The following ITGB5 variants were observed in gnomAD, a reference collection of about 807,000 sequenced individuals.
ITGB5 encodes integrin beta-5.
A neutral mutation model predicts 84.8 loss-of-function variants in ITGB5; 38 were observed. The observed-to-expected ratio is 0.45, with a 90% CI of 0.35 to 0.59. The LOEUF (loss-of-function observed/expected upper bound fraction) is 0.59. Ranked by LOEUF, ITGB5 falls within the 20% of genes least tolerant of loss-of-function variation. The pLI is 0.01. For missense variants in ITGB5, 905 were observed against 1,034.5 expected (o/e 0.87, Z 1.72); for synonymous variants, 393 against 414.4 (o/e 0.95, Z 0.63).
At chr3:124,778,333 C>T (rs548739937) in intron 10 of ITGB5, among the ~76,000 whole-genome samples, 4 of 152,198 alleles carry the variant, frequency 2.6e-5, no homozygotes, top group Non-Finnish European at 5.9e-5. Flanking sequence ...CAACAGCTTT[C>T]CATCAGCAAA....
chr3:124,860,656 T>C (rs1473635881), intron 2 of ITGB5, among the ~76,000 whole-genome samples: 2 of 152,212 alleles, frequency 1.3e-5, no homozygotes, highest in Admixed American at 6.5e-5. Flanking sequence ...AAAAACAAGA[T>C]TCCCCCCACT....
rs542319281 is a variant in ITGB5 at position 124,868,583 on chromosome 3, C to A, written c.156+4863G>T. 4.3e-5 allele frequency among the ~76,000 whole-genome samples: 6 copies of A among 138,208 alleles called. No individual in the cohort carries two copies. The East Asian group carries it at 1.1e-3, about 25-fold the overall frequency. 90.7% of individuals were successfully genotyped at this position (138,208 alleles called of 152,430 possible). On this transcript the variant is annotated intron_variant, in intron 2 of 14. Transcript: ENST00000296181. ...ATCACTTGAGCCCAGGAGTTGGAGA[C>A]CAGCCTGGGCAACATAGTGAGACCT...
At chr3:124,810,798 C>T (rs1019345588) in intron 8 of ITGB5, among the ~76,000 whole-genome samples, 3 of 151,992 alleles carry the variant, frequency 2.0e-5, no homozygotes, top group Non-Finnish European at 4.4e-5. Context: ...AGACAAGGAC[C>T]CCAACATCCG....
At chr3:124,824,096 T>C (rs555225429) in intron 5 of ITGB5, among the ~76,000 whole-genome samples, 1 of 152,288 alleles carries the variant, frequency 6.6e-6, no homozygotes, top group East Asian at 1.9e-4. Flanking sequence ...TTATAATATT[T>C]ATATGAAATT....
intron 5 of ITGB5, among the ~76,000 whole-genome samples, chr3:124,836,642 G>C (rs2064939165): frequency 6.6e-6 from 1 of 152,090 alleles, no homozygotes. Context: ...GTGATACTCA[G>C]TTTCCACCCC....
chr3:124,884,159 C>T (rs1267240703), intron 1 of ITGB5, among the ~76,000 whole-genome samples: 1 of 151,432 alleles, frequency 6.6e-6, no homozygotes, highest in Admixed American at 6.6e-5. Flanking sequence ...CAGAAACACT[C>T]CCTGAATAAA....
chr3:124,801,557 C>T (rs539888158), intron 9 of ITGB5, among the ~76,000 whole-genome samples: 17 of 152,286 alleles, frequency 1.1e-4, no homozygotes, highest in African/African-American at 4.1e-4. Context: ...GGCTGCCCCT[C>T]ATACGGGCCG....
chr3:124,859,477 A>T, intron 2 of ITGB5, 31 bp from the exon 3 acceptor site: 9 of 1,591,232 alleles, frequency 5.7e-6, no homozygotes, highest in Non-Finnish European at 7.7e-6. Flanking sequence ...AGAGAGCAGG[A>T]GGTGGTCAGG....
rs1579231133 is a variant in ITGB5 at position 124,809,063 on chromosome 3, G to A, written c.1222C>T (p.Pro408Ser). The A allele has an allele frequency of 6.2e-7, 1 of 1,614,096 alleles. No homozygotes were observed. Among genetic ancestry groups the A allele is most frequent in the Non-Finnish European group, 8.5e-7 (1 of 1,179,998 alleles). Residue 408 changes from proline (P) to serine (S), a missense_variant, in exon 9 of 15, where the codon CCT (proline) becomes TCT (serine). By Grantham distance (74) the Pro-to-Ser change is moderately conservative (BLOSUM62 -1). Transcript: ENST00000296181. ...AGACCCTCACACTTCCTCTGACCAG[G>A]ATAGGATACCCCATCTTGGCAGGTA... ...TATCQDGVSY[P>S]GQRKCEGLKI...
intron 2 of ITGB5, among the ~76,000 whole-genome samples, chr3:124,872,882 G>A (rs146590813): frequency 6.6e-6 from 1 of 152,154 alleles, no homozygotes; most frequent in East Asian, 1.9e-4. Context: ...CCACAATGCT[G>A]GCATGAGCCA....
chr3:124,820,340 C>T (rs751080529), intron 6 of ITGB5, among the ~76,000 whole-genome samples: 19 of 152,130 alleles, frequency 1.2e-4, no homozygotes, highest in Non-Finnish European at 2.1e-4. Flanking sequence ...CTCAGACGGG[C>T]AGAGGAGGGT....
At chr3:124,847,687 A>C (rs907912877) in intron 4 of ITGB5, among the ~76,000 whole-genome samples, 1 of 152,220 alleles carries the variant, frequency 6.6e-6, no homozygotes, top group African/African-American at 2.4e-5. Flanking sequence ...GAAGAGACCC[A>C]GTTGGACTTG....
chr3:124,830,525 G>A (rs2064845386), intron 5 of ITGB5, among the ~76,000 whole-genome samples: 1 of 152,218 alleles, frequency 6.6e-6, no homozygotes, highest in African/African-American at 2.4e-5. Flanking sequence ...TGACTGTGTA[G>A]AAAAACAGAG....
In ITGB5 at chr3:124,773,972, A is replaced by G; in HGVS notation, c.1694-60T>C. On this transcript the variant is annotated intron_variant, in intron 10 of 14. Transcript: ENST00000296181. ...CACCTTTACACATGAGCACATAACC[A>G]TCTGGTGCCCCACATGCCAGGACTG... 4 of 1,450,272 alleles carry G rather than the reference A, an allele frequency of 2.8e-6. No homozygotes were observed. The South Asian group carries it at 4.8e-5, about 17-fold the overall frequency. 89.8% of individuals were successfully genotyped at this position (1,450,272 alleles called of 1,614,324 possible). A position where few individuals can be genotyped will look rare whatever the true frequency, so the allele number is the denominator to read the frequency against.
In ITGB5 at chr3:124,821,378, C is replaced by A. The variant is rs1273432524; in HGVS notation, c.877G>T (p.Val293Leu). The A allele has an allele frequency of 6.2e-7, 1 of 1,614,222 alleles. No homozygotes were observed. Among genetic ancestry groups the A allele is most frequent in the Admixed American group, 1.7e-5 (1 of 60,030 alleles). Residue 293 changes from valine to leucine, a missense_variant, in exon 6 of 15, where the codon GTG becomes TTG. Around this residue, in one of 3 missense-constraint regions of ITGB5, gnomAD observed 656 missense variants for 734.7 expected, o/e 0.89. Coordinates refer to ENST00000296181, the MANE Select transcript of ITGB5 (RefSeq NM_002213.5). ...TGGCACTGGCCATCGTGTGGCTGCACCAGGCCTCCCAATTTTCCATCCAAT... is the reference window on the plus strand; with the variant it reads ...TGGCACTGGCCATCGTGTGGCTGCAACAGGCCTCCCAATTTTCCATCCAAT... ...IALDGKLGGL[V>L]QPHDGQCHLN...
At chr3:124,838,890 C>T (rs529038181) in intron 5 of ITGB5, among the ~76,000 whole-genome samples, 65 of 152,314 alleles carry the variant, frequency 4.3e-4, no homozygotes, top group African/African-American at 1.5e-3. Flanking sequence ...CGTGAGCCAC[C>T]GCGCCCAGCC....
rs538837144 is a variant in ITGB5, at chr3:124,842,108, A to G, written c.612-557T>C. ...ATGGACAAATGCTGAATGGAACAGG[A>G]ATGAAAACATCTTATCTGCTTCTTC... On this transcript the variant is annotated intron_variant, in intron 4 of 14. Coordinates refer to ENST00000296181, the MANE Select transcript of ITGB5 (RefSeq NM_002213.5). Among the ~76,000 whole-genome samples, 30 of 152,382 alleles carry G rather than the reference A, an allele frequency of 2.0e-4. No homozygotes were observed. The East Asian group carries it at 3.1e-3, about 16-fold the overall frequency.
intron 6 of ITGB5, among the ~76,000 whole-genome samples, chr3:124,820,354 G>A (rs551798247): frequency 1.1e-4 from 16 of 152,248 alleles, no homozygotes; most frequent in Non-Finnish European, 2.2e-4. Flanking sequence ...GGAGGGTGCC[G>A]AGCTCTGGAC....
chr3:124,822,762 A>G (rs1216656021), intron 5 of ITGB5, among the ~76,000 whole-genome samples: 1 of 152,216 alleles, frequency 6.6e-6, no homozygotes, highest in Non-Finnish European at 1.5e-5. Context: ...CAGGCCCCAC[A>G]GAAGGCACTG....
Sources: gnomAD v4.1 joint callset for allele counts (sites outside exome capture counted in the v4.1 genomes callset) on GRCh38, gnomAD v4.1.1 for gene constraint, gnomAD v4.1.1 regional missense constraint, MANE v1.5 for transcripts, NCBI Gene and HGNC (gene_info 2026-07-23, HGNC 2026-07-21) for gene names.